SPPL2A: variants seen among roughly 807,000 people sequenced by gnomAD.
The protein encoded by SPPL2A is signal peptide peptidase like 2A.
In SPPL2A, 51 loss-of-function variants were observed where a neutral mutation model predicts 63.8. The observed-to-expected ratio is 0.80, with a 90% CI of 0.64 to 1.01. SPPL2A has a LOEUF of 1.01. SPPL2A is among the 50% of genes least tolerant of loss of function. The pLI, the probability that SPPL2A is intolerant of heterozygous loss-of-function variation, is 0.00. For synonymous variants in SPPL2A, 188 were observed against 205.8 expected (o/e 0.91, Z 0.74); for missense variants, 553 against 622.7 (o/e 0.89, Z 1.19).
At chr15:50,764,037 T>C (rs894672867) in intron 1 of SPPL2A, among the ~76,000 whole-genome samples, 1 of 152,232 alleles carries the variant, frequency 6.6e-6, no homozygotes, top group Non-Finnish European at 1.5e-5. Context: ...AGTAGAGTTT[T>C]CTGGTGAGAG....
intron 5 of SPPL2A, among the ~76,000 whole-genome samples, chr15:50,743,811 T>C (rs953644437): frequency 6.6e-6 from 1 of 152,166 alleles, no homozygotes; most frequent in African/African-American, 2.4e-5. Flanking sequence ...GAAAATTATT[T>C]CTAAAGTTTC....
chr15:50,746,436 CAAAAAA>C (rs71127139), intron 5 of SPPL2A, among the ~76,000 whole-genome samples: 4 of 87,054 alleles, frequency 4.6e-5, no homozygotes, highest in African/African-American at 7.8e-5. Flanking sequence ...GACTCTGTAT[CAAAAAA>C]AAAAAAAAAA....
intron 1 of SPPL2A, among the ~76,000 whole-genome samples, chr15:50,750,243 A>G (rs1403269394): frequency 6.6e-6 from 1 of 152,128 alleles, no homozygotes; most frequent in African/African-American, 2.4e-5. Context: ...AGTTGGTACT[A>G]CAGGCGCGTG....
In SPPL2A at chr15:50,702,295, C is replaced by A. The variant is rs1270674629; in HGVS notation, c.*5505G>T. 1 of 151,964 alleles carries A rather than the reference C, an allele frequency of 6.6e-6. No homozygotes were observed. Among genetic ancestry groups the A allele is most frequent in the African/African-American group, 2.4e-5 (1 of 41,380 alleles). The allele number at this position is 151,964 out of a possible 1,614,324, so 9.4% of individuals were successfully genotyped here. On this transcript the variant is annotated 3_prime_UTR_variant, in exon 15 of 15. Transcript: ENST00000261854. ...ATTTTAAAATAGAATTTATTGAATA[C>A]CATAGTATATTAAATACATAAAAAA...
rs758861711 is a variant in SPPL2A, at chr15:50,739,777, C to G, written c.636G>C (p.Lys212Asn). The G allele has an allele frequency of 1.2e-6, 2 of 1,604,898 alleles. No individual in the cohort carries two copies. The highest frequency in any genetic ancestry group is 1.7e-6 in the Non-Finnish European group (2 of 1,176,594). The change falls in exon 6 of 15, where the codon AAG (lysine) becomes AAC (asparagine). Residue 212 changes from lysine (K) to asparagine (N), a missense_variant. Lys to Asn is a moderately conservative substitution (Grantham distance 94). Coordinates refer to ENST00000261854, the MANE Select transcript of SPPL2A (RefSeq NM_032802.4). ...GAGGACTAAAAGTTAAATATTCTTC[C>G]TTCTTTTTCCTCATTTCTCTATCTT... ...TTEDREMRKK[K>N]EEYLTFSPLT...
intron 1 of SPPL2A, among the ~76,000 whole-genome samples, chr15:50,761,623 T>A (rs971898517): frequency 2.7e-5 from 4 of 150,408 alleles, no homozygotes; most frequent in African/African-American, 9.8e-5. Context: ...TCTCAAAAAA[T>A]AATAATAATA....
In SPPL2A at chr15:50,733,262, C is replaced by T. The variant is rs2062744732; in HGVS notation, c.933-578G>A. Among the ~76,000 whole-genome samples, 3 of 152,138 alleles carry T rather than the reference C, an allele frequency of 2.0e-5. No individual in the cohort carries two copies. In the South Asian group the frequency reaches 6.2e-4, roughly 31 times the overall value. ...AAGTAATTATCCATTGATTATCCTA[C>T]CTGAAGCTGCATAAAGCTGTATGAG... is the stretch of plus-strand genomic sequence containing the variant. On this transcript the variant is annotated intron_variant, in intron 8 of 14. Transcript: ENST00000261854.
At chr15:50,721,608 T>A (rs12909012) in intron 13 of SPPL2A, among the ~76,000 whole-genome samples, 101 of 81,082 alleles carry the variant, frequency 1.2e-3, no homozygotes, top group East Asian at 5.1e-3. Flanking sequence ...ACAAAAATAA[T>A]TTTTTTTTTT....
At chr15:50,759,141 C>G (rs1342435624) in intron 1 of SPPL2A, among the ~76,000 whole-genome samples, 2 of 151,978 alleles carry the variant, frequency 1.3e-5, no homozygotes, top group African/African-American at 4.8e-5. Context: ...TGGCCTCAAG[C>G]AATCCTCCTG....
Position 50,765,553 on chromosome 15 carries a change from TG to T in SPPL2A, c.-21del. On this transcript the variant is annotated 5_prime_UTR_variant, in exon 1 of 15. Transcript: ENST00000261854. ...CCCCATCGGACTGGTGGGTGCCGGG[TG>T]GGACGGCACGGTGCGGCGCAGCTCA... 1 of 1,472,166 alleles carries T rather than the reference TG, an allele frequency of 6.8e-7. No homozygotes were observed. The allele number at this position is 1,472,166 out of a possible 1,614,324, so 91.2% of individuals were successfully genotyped here. A position where few individuals can be genotyped will look rare whatever the true frequency, so the allele number is the denominator to read the frequency against.
chr15:50,755,695 G>A (rs1347945358), intron 1 of SPPL2A, among the ~76,000 whole-genome samples: 1 of 141,106 alleles, frequency 7.1e-6, no homozygotes, highest in African/African-American at 2.7e-5. Flanking sequence ...CCCCATTCCA[G>A]ACCTACTGAA....
Position 50,732,691 on chromosome 15 carries a change from T to A in SPPL2A, c.933-7A>T. The stretch of plus-strand genomic sequence containing the variant: ...CTGTAAAATCCAAGCCCACCTAAAA[T>A]CAAAAAATATTACTCTATTGCTTTA... On this transcript the variant is annotated splice_region_variant and splice_polypyrimidine_tract_variant and intron_variant, in intron 8 of 14. Coordinates refer to ENST00000261854, the MANE Select transcript of SPPL2A (RefSeq NM_032802.4). 1 of 1,553,364 alleles carries A rather than the reference T, an allele frequency of 6.4e-7. No individual in the cohort carries two copies. Among genetic ancestry groups the A allele is most frequent in the South Asian group, 1.1e-5 (1 of 88,832 alleles).
intron 1 of SPPL2A, among the ~76,000 whole-genome samples, chr15:50,753,431 T>C (rs1385810918): frequency 1.3e-5 from 2 of 152,230 alleles, no homozygotes; most frequent in Non-Finnish European, 2.9e-5. Flanking sequence ...AAATTCAGTT[T>C]ACTACAATAG....
chr15:50,731,958 A>T (rs1248359256), intron 9 of SPPL2A, among the ~76,000 whole-genome samples: 11 of 148,050 alleles, frequency 7.4e-5, no homozygotes, highest in East Asian at 2.0e-4. Flanking sequence ...ATAAATAAAA[A>T]AAAAAATATT....
intron 14 of SPPL2A, among the ~76,000 whole-genome samples, chr15:50,719,668 G>A (rs1164217971): frequency 6.6e-6 from 1 of 151,482 alleles, no homozygotes; most frequent in African/African-American, 2.4e-5. Context: ...CTTTTGTGTA[G>A]GTTTTGAAAA....
At chr15:50,764,888 A>G (rs2063044042) in intron 1 of SPPL2A, among the ~76,000 whole-genome samples, 1 of 149,398 alleles carries the variant, frequency 6.7e-6, no homozygotes, top group South Asian at 2.1e-4. Context: ...GTTATTTTAA[A>G]TTACTGCTAT....
At chr15:50,732,708 A>G in intron 8 of SPPL2A, 24 bp from the exon 9 acceptor site, 1 of 1,408,218 alleles carries the variant, frequency 7.1e-7, no homozygotes, top group Non-Finnish European at 1.0e-6. Flanking sequence ...ATATTACTCT[A>G]TTGCTTTATC....
chr15:50,764,067 G>T (rs2063037005), intron 1 of SPPL2A, among the ~76,000 whole-genome samples: 1 of 152,138 alleles, frequency 6.6e-6, no homozygotes, highest in African/African-American at 2.4e-5. Flanking sequence ...CCTTTAATAA[G>T]AATTTCAATG....
intron 8 of SPPL2A, among the ~76,000 whole-genome samples, chr15:50,732,987 G>A (rs1374890442): frequency 6.6e-6 from 1 of 151,854 alleles, no homozygotes; most frequent in Non-Finnish European, 1.5e-5. Flanking sequence ...TAAACAGCAA[G>A]CATAACAACA....
Sources: allele counts gnomAD v4.1 joint callset (sites outside exome capture counted in the v4.1 genomes callset), GRCh38; gene constraint gnomAD v4.1.1; transcripts MANE v1.5; gene names NCBI Gene and HGNC (gene_info 2026-07-23, HGNC 2026-07-21).